VTI1A: variants seen among roughly 807,000 people sequenced by gnomAD.
VTI1A encodes vesicle transport through interaction with t-SNAREs 1A.
Under a neutral mutation model 34.9 loss-of-function variants are expected in VTI1A, and 22 were observed. That is an observed-to-expected ratio of 0.63 (90% CI 0.45 to 0.90). The LOEUF is 0.90. Ranked by LOEUF, VTI1A falls within the 40% of genes least tolerant of loss-of-function variation. VTI1A has a pLI of 0.00. For synonymous variants in VTI1A, 87 were observed against 97.3 expected (o/e 0.89, Z 0.62); for missense variants, 268 against 275.6 (o/e 0.97, Z 0.20).
chr10:112,742,503 C>T (rs1466252220), intron 7 of VTI1A, among the ~76,000 whole-genome samples: 2 of 152,190 alleles, frequency 1.3e-5, no homozygotes, highest in African/African-American at 4.8e-5. Flanking sequence ...TTTTTCTTCC[C>T]TCTAGTATTG....
chr10:112,760,376 T>C, intron 7 of VTI1A, among the ~76,000 whole-genome samples: 1 of 99,254 alleles, frequency 1.0e-5, no homozygotes, highest in South Asian at 2.9e-4. Context: ...GTGAATATGG[T>C]CTCTCTCTCT....
chr10:112,470,892 A>T (rs1338125590), intron 3 of VTI1A, among the ~76,000 whole-genome samples: 1 of 152,144 alleles, frequency 6.6e-6, no homozygotes, highest in East Asian at 1.9e-4. Flanking sequence ...AGTGTCAAAA[A>T]ATAAAATAAA....
downstream of VTI1A, among the ~76,000 whole-genome samples, chr10:112,821,819 CCT>C (rs1262816261): frequency 6.6e-6 from 1 of 152,248 alleles, no homozygotes; most frequent in East Asian, 1.9e-4. Context: ...AGCCCCACTC[CCT>C]GAGCCTCTGA....
rs1305693482 is a variant in VTI1A, at chr10:112,606,018, T to A, written c.428-62200T>A. Among the ~76,000 whole-genome samples the A allele has an allele frequency of 2.9e-5, 3 of 103,066 alleles. No homozygotes were observed. The East Asian group carries it at 7.6e-4, about 26-fold the overall frequency. The allele number at this position is 103,066 out of a possible 152,430, so 67.6% of individuals were successfully genotyped here. A position where few individuals can be genotyped will look rare whatever the true frequency, so the allele number is the denominator to read the frequency against. ...GGCCATTGTGTGCTAGTTTTCTTTT[T>A]TTCTTTTTTTCTTTTTTTTTTTTGA... On this transcript the variant is annotated intron_variant, in intron 5 of 7. Transcript: ENST00000393077.
chr10:112,829,336 C>T, the VTI1A span, among the ~76,000 whole-genome samples: 8 of 151,384 alleles, frequency 5.3e-5, no homozygotes, highest in Non-Finnish European at 7.4e-5. Context: ...CCCAGCTACT[C>T]GGGAGGCTGA....
chr10:112,642,145 G>A (rs1846600106), intron 5 of VTI1A, among the ~76,000 whole-genome samples: 1 of 152,172 alleles, frequency 6.6e-6, no homozygotes, highest in South Asian at 2.1e-4. Flanking sequence ...ATTCCAGAAT[G>A]TAGACCGCAT....
chr10:112,668,537 G>T (rs1847730101), intron 6 of VTI1A, among the ~76,000 whole-genome samples: 1 of 152,124 alleles, frequency 6.6e-6, no homozygotes, highest in African/African-American at 2.4e-5. Context: ...CACTGAGGGA[G>T]ATTTTGGAGT....
At chr10:112,535,590 G>C (rs1222847278) in intron 4 of VTI1A, among the ~76,000 whole-genome samples, 1 of 152,128 alleles carries the variant, frequency 6.6e-6, no homozygotes, top group Non-Finnish European at 1.5e-5. Flanking sequence ...ATCTGGTGTT[G>C]GCTCTGCCGA....
chr10:112,598,347 T>G (rs1242014363), intron 5 of VTI1A, among the ~76,000 whole-genome samples: 1 of 152,226 alleles, frequency 6.6e-6, no homozygotes, highest in African/African-American at 2.4e-5. Context: ...CCTTTCCTTC[T>G]GAACCATTGT....
intron 7 of VTI1A, among the ~76,000 whole-genome samples, chr10:112,717,540 C>T (rs542078593): frequency 3.9e-5 from 6 of 152,214 alleles, no homozygotes; most frequent in Admixed American, 1.3e-4. Context: ...CTCTTTCTGT[C>T]ATTAGTCAAA....
intron 5 of VTI1A, among the ~76,000 whole-genome samples, chr10:112,621,720 G>A (rs1173556598): frequency 6.6e-6 from 1 of 152,062 alleles, no homozygotes; most frequent in Non-Finnish European, 1.5e-5. Context: ...TTCTACCTTG[G>A]CTTTTCCAGT....
At chr10:112,753,417 G>C (rs1265064346) in intron 7 of VTI1A, among the ~76,000 whole-genome samples, 2 of 152,006 alleles carry the variant, frequency 1.3e-5, no homozygotes, top group East Asian at 3.9e-4. Context: ...TCCTCAGAGA[G>C]GGAGAAAGTA....
chr10:112,594,608 G>C (rs1468428081), intron 5 of VTI1A, among the ~76,000 whole-genome samples: 4 of 152,014 alleles, frequency 2.6e-5, no homozygotes, highest in Non-Finnish European at 5.9e-5. Context: ...TACAAGGGAC[G>C]TGAAGGACCT....
intron 7 of VTI1A, among the ~76,000 whole-genome samples, chr10:112,687,948 C>CTTTTTTT (rs11442025): frequency 8.7e-6 from 1 of 115,572 alleles, no homozygotes; most frequent in Non-Finnish European, 1.8e-5. Flanking sequence ...GTGACCAAGT[C>CTTTTTTT]TTTTTTTTTT....
intron 5 of VTI1A, among the ~76,000 whole-genome samples, chr10:112,613,779 A>G (rs1845407518): frequency 2.0e-5 from 3 of 152,194 alleles, no homozygotes; most frequent in Admixed American, 2.0e-4. Context: ...CTTCGTTGCC[A>G]TGCCAGGCCA....
At chr10:112,519,312 T>C (rs1166402596) in intron 3 of VTI1A, among the ~76,000 whole-genome samples, 1 of 152,170 alleles carries the variant, frequency 6.6e-6, no homozygotes, top group Non-Finnish European at 1.5e-5. Context: ...TGTTGCTTTA[T>C]GGTACAGCCT....
At chr10:112,560,126 G>T (rs1381933616) in intron 5 of VTI1A, among the ~76,000 whole-genome samples, 1 of 152,150 alleles carries the variant, frequency 6.6e-6, no homozygotes, top group African/African-American at 2.4e-5. Context: ...GAAAGATTAG[G>T]GTGAGCGATG....
At chr10:112,750,058 A>C (rs1376219196) in intron 7 of VTI1A, among the ~76,000 whole-genome samples, 1 of 152,240 alleles carries the variant, frequency 6.6e-6, no homozygotes, top group African/African-American at 2.4e-5. Flanking sequence ...AGTTACCTGG[A>C]GGTAGAGATG....
intron 3 of VTI1A, among the ~76,000 whole-genome samples, chr10:112,481,392 G>C (rs975439973): frequency 1.3e-5 from 2 of 152,176 alleles, no homozygotes; most frequent in Non-Finnish European, 2.9e-5. Flanking sequence ...CTCAGTCTTT[G>C]ATAGCATACG....
Sources: gnomAD v4.1 joint callset for allele counts (sites outside exome capture counted in the v4.1 genomes callset) on GRCh38, gnomAD v4.1.1 for gene constraint, MANE v1.5 for transcripts, NCBI Gene and HGNC (gene_info 2026-07-23, HGNC 2026-07-21) for gene names.